MAGED1: variants seen among roughly 807,000 people sequenced by gnomAD.
MAGED1 encodes the protein melanoma-associated antigen D1.
A neutral mutation model predicts 54.1 loss-of-function variants in MAGED1; 3 were observed. The observed-to-expected ratio is 0.06, with a 90% CI of 0.03 to 0.14. The LOEUF (loss-of-function observed/expected upper bound fraction) is 0.14, where lower values mean the gene tolerates loss of function less well. Among genes scored for constraint, MAGED1 ranks in the 10% least tolerant of loss-of-function variants. The pLI, the probability that MAGED1 is intolerant of heterozygous loss-of-function variation, is 1.00. For synonymous variants in MAGED1, 217 were observed against 227.3 expected (o/e 0.95, Z 0.41); for missense variants, 485 against 623.4 (o/e 0.78, Z 2.36).
chrX:51,868,515 G>A (rs1007681711), intron 1 of MAGED1, among the ~76,000 whole-genome samples: 3 of 111,389 alleles, frequency 2.7e-5, no homozygotes, highest in Admixed American at 9.5e-5. Flanking sequence ...GACAGTGTAA[G>A]GATGGTATGA....
chrX:51,889,173 T>C (rs1213361152), upstream of MAGED1, among the ~76,000 whole-genome samples: 3 of 111,776 alleles, frequency 2.7e-5, no homozygotes, highest in South Asian at 1.1e-3. Context: ...GATGTAACCA[T>C]TGGGGAAGCA....
intron 1 of MAGED1, among the ~76,000 whole-genome samples, chrX:51,829,920 T>C (rs1257609241): frequency 9.0e-6 from 1 of 111,601 alleles, no homozygotes; most frequent in Non-Finnish European, 1.9e-5. Flanking sequence ...TCTAGTAAAA[T>C]TGTAGATGGG....
Position 51,897,876 on chromosome X carries a change from A to G in MAGED1, c.1648A>G (p.Ile550Val), listed in dbSNP as rs1557364497. The G allele has an allele frequency of 8.4e-7, 1 of 1,191,979 alleles. No individual in the cohort carries two copies. The highest frequency in any genetic ancestry group is 1.8e-5 in the South Asian group (1 of 55,423). ...LISTPESLAG[I>V]LGTTKDTPKL... ...CAGTACCCCCGAGTCCCTGGCTGGCATACTGGGAACGTAAGATGGGAAAGA... is the reference window on the plus strand; with the variant it reads ...CAGTACCCCCGAGTCCCTGGCTGGCGTACTGGGAACGTAAGATGGGAAAGA... The change falls in exon 7 of 13, where the codon ATA becomes GTA. Residue 550 changes from isoleucine (I) to valine (V), a missense_variant. Ile to Val is a conservative substitution (Grantham distance 29). This residue lies in a region of MAGED1 where 186 missense variants were observed against 330.3 expected (regional missense o/e 0.56). Transcript: ENST00000326587.
rs188417569 is a variant in MAGED1, at chrX:51,864,549, C to T, written c.-36-29720C>T. On this transcript the variant is annotated intron_variant, in intron 1 of 12. Transcript: ENST00000375772. ...AATCTGCAGATTGCTTTAGTTAGTA[C>T]GGACATTTTGACAATATTGATTCTT... 4.0e-4 allele frequency among the ~76,000 whole-genome samples: 45 copies of T among 111,392 alleles called. 1 individual carries two copies. Among genetic ancestry groups the T allele is most frequent in the Admixed American group, 4.0e-3 (42 of 10,508 alleles).
chrX:51,876,899 G>T (rs1267118620), intron 1 of MAGED1, among the ~76,000 whole-genome samples: 1 of 111,179 alleles, frequency 9.0e-6, no homozygotes, highest in Non-Finnish European at 1.9e-5. Flanking sequence ...ATAGAAGCAT[G>T]CTTCTGCCAT....
At chrX:51,901,068 A>AT (rs1169483287) in intron 11 of MAGED1, among the ~76,000 whole-genome samples, 9 of 112,174 alleles carry the variant, frequency 8.0e-5, no homozygotes, top group South Asian at 3.7e-4. Context: ...TATACTTGAC[A>AT]TTTTTTTTGT....
intron 1 of MAGED1, among the ~76,000 whole-genome samples, chrX:51,854,876 G>C (rs1557360064): frequency 1.8e-5 from 2 of 111,321 alleles, no homozygotes; most frequent in Non-Finnish European, 3.8e-5. Flanking sequence ...GTCTCCTGAA[G>C]ATCTCTTACC....
intron 5 of MAGED1, 109 bp downstream of exon 5, chrX:51,897,380 G>A (rs990403907): frequency 2.8e-5 from 23 of 831,844 alleles, no homozygotes; most frequent in Non-Finnish European, 3.7e-5. Flanking sequence ...ATGCTCTGTC[G>A]GCATTCTTCT....
chrX:51,895,058 G>A lies in MAGED1; in HGVS notation c.51G>A (p.Glu17=). 8.3e-7 allele frequency: 1 copy of A among 1,201,436 alleles called. No homozygotes were observed. The highest frequency in any genetic ancestry group is 1.1e-6 in the Non-Finnish European group (1 of 888,680). ...TTTCCCCCCTGTGTTTGCAGGCTGA[G>A]GCCTCCGTAGAAGACAGCGCCTTGC... ...CGAGLLGFQA[E]ASVEDSALLM... The change falls in exon 3 of 13, where the codon GAG becomes GAA. Residue 17 remains glutamate (E), a synonymous_variant. Coordinates refer to ENST00000326587, the MANE Select transcript of MAGED1 (RefSeq NM_006986.4).
chrX:51,881,801 C>G (rs1928067398), intron 1 of MAGED1, among the ~76,000 whole-genome samples: 1 of 111,324 alleles, frequency 9.0e-6, no homozygotes, highest in Admixed American at 9.6e-5. Context: ...CCATTTACTT[C>G]CAGCTGCTAT....
chrX:51,805,965 C>CTTTTTTTTTT (rs57427122), intron 1 of MAGED1, among the ~76,000 whole-genome samples: 71 of 36,931 alleles, frequency 1.9e-3, no homozygotes, highest in African/African-American at 6.9e-3. Flanking sequence ...CTTTTCTTTT[C>CTTTTTTTTTT]TTTTTTTTTT....
intron 1 of MAGED1, among the ~76,000 whole-genome samples, chrX:51,821,088 A>G (rs190032536): frequency 1.8e-5 from 2 of 111,481 alleles, no homozygotes; most frequent in Non-Finnish European, 3.8e-5. Flanking sequence ...TGGATTTTTC[A>G]TTGCAAGGTA....
intron 1 of MAGED1, among the ~76,000 whole-genome samples, chrX:51,834,235 G>A (rs1926168044): frequency 1.8e-5 from 2 of 111,081 alleles, no homozygotes; most frequent in Non-Finnish European, 3.8e-5. Context: ...CCCACATCTG[G>A]GCAAGATAAG....
At chrX:51,872,626 A>G (rs1927722219) in intron 1 of MAGED1, among the ~76,000 whole-genome samples, 3 of 111,984 alleles carry the variant, frequency 2.7e-5, no homozygotes, top group African/African-American at 9.8e-5. Context: ...TTCACAATTA[A>G]TGTTTTGGTT....
chrX:51,896,068 C>T, intron 3 of MAGED1: 1 of 379,530 alleles, frequency 2.6e-6, no homozygotes, highest in Non-Finnish European at 4.5e-6. Flanking sequence ...AAGGCACCTC[C>T]TACCAGGTAG....
At chrX:51,805,965 CTTTTTTTTTTTTTTTT>C (rs57427122) in intron 1 of MAGED1, among the ~76,000 whole-genome samples, 1 of 36,948 alleles carries the variant, frequency 2.7e-5, no homozygotes, top group African/African-American at 1.1e-4. Context: ...CTTTTCTTTT[CTTTTTTTTTTTTTTTT>C]TTTTTTTTTT....
chrX:51,893,006 G>A (rs995541294), upstream of MAGED1, among the ~76,000 whole-genome samples: 8 of 110,540 alleles, frequency 7.2e-5, no homozygotes, highest in Non-Finnish European at 1.1e-4. Context: ...CACAAAATGA[G>A]TCCATCACCG....
At chrX:51,871,862 A>G (rs1927687510) in intron 1 of MAGED1, among the ~76,000 whole-genome samples, 1 of 111,906 alleles carries the variant, frequency 8.9e-6, no homozygotes, top group African/African-American at 3.3e-5. Flanking sequence ...CGACTTCTAC[A>G]GTGGTTGAAC....
intron 1 of MAGED1, among the ~76,000 whole-genome samples, chrX:51,872,521 T>A (rs1317587204): frequency 8.9e-6 from 1 of 112,465 alleles, no homozygotes; most frequent in Non-Finnish European, 1.9e-5. Context: ...TTTGCTATAT[T>A]TCCTTTCTTA....
Sources: allele counts gnomAD v4.1 joint callset (sites outside exome capture counted in the v4.1 genomes callset), GRCh38; gene constraint gnomAD v4.1.1; regional missense constraint gnomAD v4.1.1; transcripts MANE v1.5; gene names NCBI Gene and HGNC (gene_info 2026-07-23, HGNC 2026-07-21).